Variants in KLRG1 observed in about 807,000 individuals in gnomAD.
KLRG1 encodes killer cell lectin like receptor G1, also known as killer cell lectin-like receptor subfamily G member 1.
KLRG1 carries 16 observed loss-of-function variants against 21.8 expected under a neutral mutation model. The ratio of observed to expected loss-of-function variants is 0.73; its 90% CI spans 0.50 to 1.11. The LOEUF (loss-of-function observed/expected upper bound fraction) is 1.11, where lower values mean the gene tolerates loss of function less well. Ranked by LOEUF, KLRG1 falls within the 50% of genes most tolerant of loss-of-function variation. The pLI, the probability that KLRG1 is intolerant of heterozygous loss-of-function variation, is 0.00. For missense variants in KLRG1, 173 were observed against 218.3 expected, an observed-to-expected ratio of 0.79 and a Z score of 1.31; for synonymous variants, 69 against 75.9, an observed-to-expected ratio of 0.91 and a Z score of 0.47.
the KLRG1 span, among the ~76,000 whole-genome samples, chr12:9,021,303 G>A: frequency 3.3e-5 from 5 of 151,904 alleles, no homozygotes; most frequent in Non-Finnish European, 5.9e-5. Context: ...AATATTGTAC[G>A]TTTAAGCTAC....
the KLRG1 span, chr12:9,072,995 A>G: frequency 1.5e-6 from 1 of 677,998 alleles, no homozygotes; most frequent in South Asian, 2.0e-5. Context: ...TAAATATAGG[A>G]GCTGTAATTT....
At chr12:9,068,596 A>G in the KLRG1 span, 6 of 707,188 alleles carry the variant, frequency 8.5e-6, no homozygotes, top group Non-Finnish European at 1.4e-5. Flanking sequence ...TAAGAGACAA[A>G]AAGAGGGGCA....
At chr12:8,980,763 C>G (rs780868435) in intron 1 of KLRG1, among the ~76,000 whole-genome samples, 2 of 152,244 alleles carry the variant, frequency 1.3e-5, no homozygotes, top group Middle Eastern at 3.4e-3. Context: ...CTGGGCAGCT[C>G]CATCGGCTGG....
the KLRG1 span, chr12:9,196,972 T>C: frequency 7.2e-7 from 1 of 1,390,866 alleles, no homozygotes; most frequent in Non-Finnish European, 1.0e-6. Context: ...TCACTGGTTG[T>C]AAACAGTGAT....
chr12:9,142,255 C>T, the KLRG1 span, among the ~76,000 whole-genome samples: 1 of 152,150 alleles, frequency 6.6e-6, no homozygotes, highest in Non-Finnish European at 1.5e-5. Context: ...TAGGGTATTT[C>T]ACTAAATAGT....
the KLRG1 span, chr12:9,168,854 A>G: frequency 1.2e-5 from 19 of 1,578,460 alleles, no homozygotes; most frequent in Non-Finnish European, 1.4e-5. Context: ...AATTAAAAGC[A>G]AATTGCTGTT....
chr12:9,142,301 T>A, the KLRG1 span, among the ~76,000 whole-genome samples: 6 of 152,356 alleles, frequency 3.9e-5, no homozygotes, highest in African/African-American at 1.4e-4. Context: ...CCAATATTAA[T>A]GTTTCATTTA....
chr12:9,211,086 C>T, the KLRG1 span, among the ~76,000 whole-genome samples: 5 of 152,188 alleles, frequency 3.3e-5, no homozygotes, highest in African/African-American at 1.2e-4. Context: ...ATGGTTGCAT[C>T]ACACCACAAT....
At chr12:9,171,625 G>A in the KLRG1 span, among the ~76,000 whole-genome samples, 6 of 152,160 alleles carry the variant, frequency 3.9e-5, no homozygotes, top group Non-Finnish European at 7.4e-5. Flanking sequence ...AGCCAGAATA[G>A]CCAGTTTAGA....
the KLRG1 span, chr12:9,154,697 T>G: frequency 6.2e-7 from 1 of 1,614,148 alleles, no homozygotes; most frequent in Non-Finnish European, 8.5e-7. Flanking sequence ...TCAGGTCCCC[T>G]GAGGTGGGGG....
At chr12:9,047,362 T>C in the KLRG1 span, among the ~76,000 whole-genome samples, 1 of 152,190 alleles carries the variant, frequency 6.6e-6, no homozygotes. Flanking sequence ...AAAACAGACT[T>C]AGATTAGTTG....
the KLRG1 span, among the ~76,000 whole-genome samples, chr12:9,129,797 G>T: frequency 6.6e-6 from 1 of 152,234 alleles, no homozygotes; most frequent in South Asian, 2.1e-4. Flanking sequence ...ATCCACCCGC[G>T]TCGGCCTCCC....
the KLRG1 span, among the ~76,000 whole-genome samples, chr12:9,177,353 T>C: frequency 0.68 from 102,989 of 152,002 alleles, 35,392 homozygotes; most frequent in East Asian, 0.87. Flanking sequence ...CTCAAGAAAC[T>C]TGTCTTGGAA....
intron 3 of KLRG1, among the ~76,000 whole-genome samples, chr12:8,999,429 C>T (rs974190129): frequency 1.3e-5 from 2 of 152,236 alleles, no homozygotes; most frequent in Non-Finnish European, 2.9e-5. Context: ...CAACTTTACT[C>T]TTGCAACAAC....
chr12:9,080,105 A>T, the KLRG1 span: 2 of 1,585,768 alleles, frequency 1.3e-6, no homozygotes, highest in Non-Finnish European at 1.7e-6. Flanking sequence ...CAAAACTGAG[A>T]CAGAAGCTCG....
the KLRG1 span, chr12:9,111,597 A>C: frequency 3.3e-5 from 15 of 452,316 alleles, no homozygotes; most frequent in South Asian, 2.4e-4. Flanking sequence ...CTAGGCCATA[A>C]TCTTTTGTCT....
chr12:9,095,082 G>A, the KLRG1 span: 15 of 1,528,804 alleles, frequency 9.8e-6, no homozygotes, highest in Non-Finnish European at 1.3e-5. Flanking sequence ...TTAAGCCCAT[G>A]TCCTGCAAAG....
intron 1 of KLRG1, 41 bp downstream of exon 1, chr12:8,989,758 C>T (rs767426597): frequency 8.9e-7 from 1 of 1,124,934 alleles, no homozygotes; most frequent in Non-Finnish European, 1.3e-6. Flanking sequence ...TGCATAGCAA[C>T]AGTAGGCTAT....
chr12:9,106,037 C>T, the KLRG1 span, among the ~76,000 whole-genome samples: 1 of 152,156 alleles, frequency 6.6e-6, no homozygotes, highest in Non-Finnish European at 1.5e-5. Flanking sequence ...ACATTTCATA[C>T]ACAAATTTAC....
Sources: gnomAD v4.1 joint callset for allele counts (sites outside exome capture counted in the v4.1 genomes callset) on GRCh38, gnomAD v4.1.1 for gene constraint, MANE v1.5 for transcripts, NCBI Gene and HGNC (gene_info 2026-07-23, HGNC 2026-07-21) for gene names.